Variants in EXT1 observed in about 807,000 individuals in gnomAD.
EXT1 encodes exostosin-1.
In EXT1, 20 loss-of-function variants were observed where a neutral mutation model predicts 82.5. The ratio of observed to expected loss-of-function variants is 0.24; its 90% CI spans 0.17 to 0.35. The LOEUF (loss-of-function observed/expected upper bound fraction) is 0.35. Among genes scored for constraint, EXT1 ranks in the 10% least tolerant of loss-of-function variants. EXT1 has a pLI of 1.00. For synonymous variants in EXT1, 348 were observed against 350.8 expected (o/e 0.99, Z 0.09); for missense variants, 757 against 936.5 (o/e 0.81, Z 2.50).
At chr8:117,964,285 A>T (rs1371624479) in intron 1 of EXT1, among the ~76,000 whole-genome samples, 1 of 152,160 alleles carries the variant, frequency 6.6e-6, no homozygotes, top group Non-Finnish European at 1.5e-5. Context: ...TTTTATAAGG[A>T]TCCCCTTAGG....
At chr8:118,078,221 T>C (rs2635281) in intron 1 of EXT1, among the ~76,000 whole-genome samples, 1 of 152,166 alleles carries the variant, frequency 6.6e-6, no homozygotes, top group Admixed American at 6.6e-5. Flanking sequence ...ATTTTTGAGA[T>C]GAAGTCTCGC....
At chr8:118,005,561 AG>A (rs762768589) in intron 1 of EXT1, among the ~76,000 whole-genome samples, 4 of 152,210 alleles carry the variant, frequency 2.6e-5, no homozygotes, top group Non-Finnish European at 5.9e-5. Flanking sequence ...CATTTAACAG[AG>A]GAGAAAACTG....
intron 1 of EXT1, among the ~76,000 whole-genome samples, chr8:117,999,808 A>G: frequency 6.6e-6 from 1 of 152,210 alleles, no homozygotes; most frequent in Non-Finnish European, 1.5e-5. Context: ...ACCTAGAAAG[A>G]AAGAAAGATT....
intron 1 of EXT1, among the ~76,000 whole-genome samples, chr8:118,048,644 T>C (rs1816662217): frequency 6.6e-6 from 1 of 152,184 alleles, no homozygotes; most frequent in Admixed American, 6.5e-5. Context: ...TGGAGAAATG[T>C]TAAGTTTTGA....
At chr8:117,945,055 A>G in intron 1 of EXT1, among the ~76,000 whole-genome samples, 1 of 152,182 alleles carries the variant, frequency 6.6e-6, no homozygotes, top group Middle Eastern at 3.2e-3. Flanking sequence ...CCAGCTACTC[A>G]GGAGGCTGAG....
At chr8:117,889,577 T>TG (rs1302245396) in intron 1 of EXT1, among the ~76,000 whole-genome samples, 1 of 152,220 alleles carries the variant, frequency 6.6e-6, no homozygotes, top group Non-Finnish European at 1.5e-5. Context: ...GAAAGATATG[T>TG]GTTTTACCTC....
At chr8:118,008,867 A>G (rs1815836416) in intron 1 of EXT1, among the ~76,000 whole-genome samples, 1 of 152,242 alleles carries the variant, frequency 6.6e-6, no homozygotes, top group Non-Finnish European at 1.5e-5. Flanking sequence ...AATGAAATAC[A>G]TGAAAAATAT....
chr8:117,832,144 C>A (rs1191639745), intron 3 of EXT1, among the ~76,000 whole-genome samples: 1 of 152,150 alleles, frequency 6.6e-6, no homozygotes, highest in Non-Finnish European at 1.5e-5. Context: ...CATAATCATA[C>A]CCTCTTCTAA....
chr8:117,837,274 G>T, intron 1 of EXT1, 73 bp from the exon 2 acceptor site: 1 of 1,250,038 alleles, frequency 8.0e-7, no homozygotes, highest in Non-Finnish European at 1.2e-6. Context: ...ATAGGTGGGC[G>T]CCCATGTGCA....
intron 1 of EXT1, among the ~76,000 whole-genome samples, chr8:117,922,582 G>C (rs548161403): frequency 4.9e-4 from 75 of 152,022 alleles, no homozygotes; most frequent in Middle Eastern, 3.4e-3. Flanking sequence ...GAGTGTCTGA[G>C]AGAGGCATGG....
intron 8 of EXT1, among the ~76,000 whole-genome samples, chr8:117,808,965 G>A (rs1270340831): frequency 2.6e-5 from 4 of 151,866 alleles, no homozygotes; most frequent in Non-Finnish European, 5.9e-5. Flanking sequence ...GCTGAGCTGG[G>A]ACATCGAACT....
rs1823254238 is a variant in EXT1, at chr8:117,807,324, G to A, written c.1776C>T (p.Tyr592=). The A allele has an allele frequency of 1.2e-6, 2 of 1,614,130 alleles. No homozygotes were observed. The highest frequency in any genetic ancestry group is 1.1e-5 in the South Asian group (1 of 91,076). Residue 592 remains tyrosine (Y), a synonymous_variant, in exon 9 of 11, where the codon TAC becomes TAT. Coordinates refer to ENST00000378204, the MANE Select transcript of EXT1 (RefSeq NM_000127.3). ...WQSFPERIVG[Y]PARSHFWDNS... is the part of the protein sequence containing the mutation. Reference sequence around the variant, plus strand: ...TATCCCAGAAGTGGCTGCGCGCGGGGTACCCCACAATCCTCTCAGGGAAGC... The same window carrying A: ...TATCCCAGAAGTGGCTGCGCGCGGGATACCCCACAATCCTCTCAGGGAAGC...
intron 1 of EXT1, among the ~76,000 whole-genome samples, chr8:117,856,512 C>T (rs188577745): frequency 1.9e-3 from 281 of 150,426 alleles, no homozygotes; most frequent in Non-Finnish European, 3.0e-3. Context: ...ATGATCCGCC[C>T]ACCTCGGCCG....
At chr8:117,847,607 C>T (rs918291978) in intron 1 of EXT1, among the ~76,000 whole-genome samples, 1 of 152,184 alleles carries the variant, frequency 6.6e-6, no homozygotes, top group East Asian at 1.9e-4. Context: ...CTCCTCATGG[C>T]TTCTGCAATG....
At position 117,818,753 on chromosome 8, in the gene EXT1, T is replaced by C. The variant is rs10102974; in HGVS notation, c.1537-223A>G. ...AGAGAGGACAGAAAGAGCAAACAAA[T>C]AAACAAACAAACAAACAAACAAAAC... On this transcript the variant is annotated intron_variant, in intron 6 of 10. Coordinates refer to ENST00000378204, the MANE Select transcript of EXT1 (RefSeq NM_000127.3). 0.099 allele frequency among the ~76,000 whole-genome samples: 14,884 copies of C among 150,666 alleles called. 1,033 individuals are homozygous for C. Among genetic ancestry groups the C allele is most frequent in the African/African-American group, 0.2 (8,153 of 40,354 alleles).
At chr8:118,054,259 G>T (rs550986001) in intron 1 of EXT1, among the ~76,000 whole-genome samples, 1 of 152,262 alleles carries the variant, frequency 6.6e-6, no homozygotes, top group African/African-American at 2.4e-5. Flanking sequence ...ATCTTTCCTA[G>T]TAAGTAGGAT....
chr8:117,949,404 A>T (rs1814447896), intron 1 of EXT1, among the ~76,000 whole-genome samples: 1 of 151,696 alleles, frequency 6.6e-6, no homozygotes, highest in African/African-American at 2.4e-5. Flanking sequence ...GACCAGAGAG[A>T]AAGTTGACAT....
intron 1 of EXT1, among the ~76,000 whole-genome samples, chr8:118,012,492 C>T (rs976840550): frequency 1.2e-4 from 18 of 152,168 alleles, no homozygotes; most frequent in Non-Finnish European, 1.6e-4. Flanking sequence ...CACAAGGCCA[C>T]CCGACAAGGC....
At chr8:118,063,696 G>A (rs17476924) in intron 1 of EXT1, among the ~76,000 whole-genome samples, 14 of 152,098 alleles carry the variant, frequency 9.2e-5, no homozygotes, top group South Asian at 2.1e-4. Context: ...TCCTTGCTTC[G>A]GTTTACAACT....
Sources: gnomAD v4.1 joint callset for allele counts (sites outside exome capture counted in the v4.1 genomes callset) on GRCh38, gnomAD v4.1.1 for gene constraint, MANE v1.5 for transcripts, NCBI Gene and HGNC (gene_info 2026-07-23, HGNC 2026-07-21) for gene names.